CPQ: variants seen among roughly 807,000 people sequenced by gnomAD.
CPQ encodes the protein carboxypeptidase Q.
Under a neutral mutation model 45.7 loss-of-function variants are expected in CPQ, and 37 were observed. That is an observed-to-expected ratio of 0.81 (90% CI 0.62 to 1.07). The LOEUF (loss-of-function observed/expected upper bound fraction) is 1.07. CPQ is among the 50% of genes least tolerant of loss of function. The pLI is 0.00. For synonymous variants in CPQ, 186 were observed against 205.8 expected (o/e 0.90, Z 0.82); for missense variants, 537 against 572.9 (o/e 0.94, Z 0.64).
intron 4 of CPQ, among the ~76,000 whole-genome samples, chr8:96,909,854 G>T (rs1455166578): frequency 6.6e-6 from 1 of 152,106 alleles, no homozygotes; most frequent in Non-Finnish European, 1.5e-5. Context: ...TCATTAAGTG[G>T]AAAAACTAAT....
chr8:96,829,476 T>G (rs1811421562), intron 2 of CPQ, among the ~76,000 whole-genome samples: 1 of 152,130 alleles, frequency 6.6e-6, no homozygotes, highest in East Asian at 1.9e-4. Context: ...AGAATGAAGA[T>G]GGAGGTCCAT....
chr8:96,776,522 A>G (rs35662417), intron 1 of CPQ, among the ~76,000 whole-genome samples: 8,249 of 152,192 alleles, frequency 0.054, 337 homozygotes, highest in Non-Finnish European at 0.079. Flanking sequence ...CTGTTTGTCT[A>G]TTCGCTCTGG....
At chr8:96,744,049 G>A (rs1282734371) in intron 1 of CPQ, among the ~76,000 whole-genome samples, 2 of 152,244 alleles carry the variant, frequency 1.3e-5, no homozygotes, top group Non-Finnish European at 2.9e-5. Context: ...GCAAGCCTGG[G>A]CAATGGCGGG....
chr8:96,687,028 A>G (rs1809238369), intron 1 of CPQ, among the ~76,000 whole-genome samples: 1 of 151,674 alleles, frequency 6.6e-6, no homozygotes, highest in Non-Finnish European at 1.5e-5. Flanking sequence ...TGTTCTTTGT[A>G]TTTGTATTTT....
intron 1 of CPQ, among the ~76,000 whole-genome samples, chr8:96,757,113 C>T (rs1017274947): frequency 1.3e-5 from 2 of 152,018 alleles, no homozygotes; most frequent in African/African-American, 2.4e-5. Context: ...CTTTGGGAGG[C>T]TGAGGTGGTA....
At chr8:97,034,389 A>G (rs1206866116) in intron 6 of CPQ, among the ~76,000 whole-genome samples, 2 of 152,224 alleles carry the variant, frequency 1.3e-5, no homozygotes, top group African/African-American at 4.8e-5. Flanking sequence ...ACATGTTTCA[A>G]TAAGTTGTTA....
chr8:97,067,136 A>G (rs1810652617), intron 7 of CPQ, among the ~76,000 whole-genome samples: 1 of 151,882 alleles, frequency 6.6e-6, no homozygotes, highest in Admixed American at 6.6e-5. Flanking sequence ...CATGTTGCCC[A>G]GGCTGGTCTC....
intron 1 of CPQ, among the ~76,000 whole-genome samples, chr8:96,742,407 G>A (rs548224923): frequency 6.6e-6 from 1 of 152,300 alleles, no homozygotes; most frequent in East Asian, 1.9e-4. Flanking sequence ...ACAGCACACT[G>A]ATGGGTCTTG....
intron 3 of CPQ, among the ~76,000 whole-genome samples, chr8:96,845,388 G>C (rs1361099396): frequency 6.6e-6 from 1 of 152,154 alleles, no homozygotes; most frequent in African/African-American, 2.4e-5. Flanking sequence ...AGGTACTTAA[G>C]AGATATTGAT....
intron 4 of CPQ, among the ~76,000 whole-genome samples, chr8:96,885,680 C>T (rs775681855): frequency 9.2e-5 from 14 of 152,082 alleles, no homozygotes; most frequent in Admixed American, 5.2e-4. Flanking sequence ...AAGCCTGGAC[C>T]GAATTAACCA....
chr8:96,810,054 G>A (rs1811142471), intron 2 of CPQ, among the ~76,000 whole-genome samples: 1 of 151,948 alleles, frequency 6.6e-6, no homozygotes, highest in African/African-American at 2.4e-5. Context: ...CCTTCCCTGG[G>A]GCTCTCATTT....
Position 96,709,145 on chromosome 8 carries a change from G to T in CPQ, c.-35+63743G>T, listed in dbSNP as rs114329178. On this transcript the variant is annotated intron_variant, in intron 1 of 7. Coordinates refer to ENST00000220763, the MANE Select transcript of CPQ (RefSeq NM_016134.4). ...TAGCTTTTGAGGTACAAGTGGTTTT[G>T]TTTACATGAATAAATTGTACAGTAG... 6.4e-3 allele frequency among the ~76,000 whole-genome samples: 979 copies of T among 151,982 alleles called. 9 individuals carry two copies. The highest frequency in any genetic ancestry group is 0.022 in the African/African-American group (900 of 41,450).
At chr8:97,059,132 T>A (rs956887676) in intron 6 of CPQ, among the ~76,000 whole-genome samples, 1 of 151,976 alleles carries the variant, frequency 6.6e-6, no homozygotes, top group Non-Finnish European at 1.5e-5. Context: ...AGATCTAGAG[T>A]GCTTCAAATG....
intron 2 of CPQ, among the ~76,000 whole-genome samples, chr8:96,807,216 A>G (rs1811090153): frequency 6.6e-6 from 1 of 150,628 alleles, no homozygotes; most frequent in African/African-American, 2.5e-5. Context: ...GCCAGAGAAA[A>G]CTGCTGTTTT....
intron 4 of CPQ, among the ~76,000 whole-genome samples, chr8:96,890,502 C>T (rs955303332): frequency 5.3e-5 from 8 of 152,184 alleles, no homozygotes; most frequent in African/African-American, 1.9e-4. Flanking sequence ...TGTAGTTTCC[C>T]ATTGACCATA....
intron 3 of CPQ, among the ~76,000 whole-genome samples, chr8:96,854,530 CAAAAAAAAAAAAAAAA>C (rs1156706371): frequency 1.2e-4 from 1 of 8,692 alleles, no homozygotes; most frequent in African/African-American, 2.1e-4. Flanking sequence ...GACTCCGTCT[CAAAAAAAAAAAAAAAA>C]AAAAAAAAAA....
Position 96,835,181 on chromosome 8 carries a change from G to C in CPQ, c.641+1G>C, listed in dbSNP as rs769985566. On this transcript the variant is annotated splice_donor_variant, in intron 3 of 7. Transcript: ENST00000220763. LOFTEE classifies it high-confidence loss of function. ...CCGTGGCCTCCTTCTCCATCTACAGGTTTGTCACAATGTTCATTTGAATTC... is the reference window on the plus strand; with the variant it reads ...CCGTGGCCTCCTTCTCCATCTACAGCTTTGTCACAATGTTCATTTGAATTC... The C allele has an allele frequency of 2.1e-6, 3 of 1,460,186 alleles. No individual in the cohort carries two copies. Among genetic ancestry groups the C allele is most frequent in the Non-Finnish European group, 2.7e-6 (3 of 1,098,820 alleles). The allele number at this position is 1,460,186 out of a possible 1,614,324, so 90.5% of individuals were successfully genotyped here.
intron 3 of CPQ, among the ~76,000 whole-genome samples, chr8:96,862,852 CCTT>C (rs977294304): frequency 4.3e-4 from 65 of 152,052 alleles, no homozygotes; most frequent in Non-Finnish European, 7.1e-4. Flanking sequence ...GGCTGGCCCA[CCTT>C]CTTCTTTATC....
At chr8:96,869,415 A>T (rs187510890) in intron 3 of CPQ, among the ~76,000 whole-genome samples, 6 of 152,166 alleles carry the variant, frequency 3.9e-5, no homozygotes, top group African/African-American at 1.4e-4. Context: ...TGTTACTGTA[A>T]TCATTAAATC....
Sources: gnomAD v4.1 joint callset for allele counts (sites outside exome capture counted in the v4.1 genomes callset) on GRCh38, gnomAD v4.1.1 for gene constraint, MANE v1.5 for transcripts, NCBI Gene and HGNC (gene_info 2026-07-23, HGNC 2026-07-21) for gene names.